ACSL1: variants seen among roughly 807,000 people sequenced by gnomAD.
ACSL1 encodes acyl-CoA synthetase long chain family member 1.
A neutral mutation model predicts 98.4 loss-of-function variants in ACSL1; 41 were observed. That is an observed-to-expected ratio of 0.42 (90% CI 0.32 to 0.54). ACSL1 has a LOEUF of 0.54. Ranked by LOEUF, ACSL1 falls within the 20% of genes least tolerant of loss-of-function variation. ACSL1 has a pLI of 0.13. For missense variants in ACSL1, 734 were observed against 883.1 expected (o/e 0.83, Z 2.14); for synonymous variants, 316 against 322.7 (o/e 0.98, Z 0.22).
At position 184,819,626 on chromosome 4, in the gene ACSL1, C is replaced by T. The variant is rs760015438; in HGVS notation, c.-33+6290G>A. ...GTACACAGACCCATTAACCCCATGC[C>T]GCCAGAGTTTGCTTTCTAGAAGCCT... is the stretch of plus-strand genomic sequence containing the variant. On this transcript the variant is annotated intron_variant, in intron 1 of 20. Coordinates refer to ENST00000281455, the MANE Select transcript of ACSL1 (RefSeq NM_001995.5). Among the ~76,000 whole-genome samples the T allele has an allele frequency of 1.2e-3, 189 of 152,178 alleles. 1 individual carries two copies. Among genetic ancestry groups the T allele is most frequent in the African/African-American group, 4.2e-3 (174 of 41,522 alleles).
intron 1 of ACSL1, among the ~76,000 whole-genome samples, chr4:184,804,305 C>T (rs766970651): frequency 1.4e-4 from 21 of 152,190 alleles, no homozygotes; most frequent in African/African-American, 2.4e-4. Context: ...TGCAGCCGGA[C>T]GCGGTGGCTC....
chr4:184,759,629 A>AT (rs1332898633), intron 18 of ACSL1, among the ~76,000 whole-genome samples: 2 of 152,168 alleles, frequency 1.3e-5, no homozygotes, highest in Non-Finnish European at 2.9e-5. Flanking sequence ...CAAAACCACA[A>AT]TGAGATACCA....
At chr4:184,801,183 T>C (rs1213144161) in intron 2 of ACSL1, among the ~76,000 whole-genome samples, 3 of 152,170 alleles carry the variant, frequency 2.0e-5, no homozygotes, top group Non-Finnish European at 4.4e-5. Flanking sequence ...AAAGGAAATT[T>C]CAGAAGGTAT....
At position 184,773,594 on chromosome 4, in the gene ACSL1, C is replaced by A; in HGVS notation, c.841+69G>T. ...GTCTACTGTTAGCTGATAAGTCATCCAAAAGAGGTAGGGGAGAGTCCAGAC... is the reference window on the plus strand; with the variant it reads ...GTCTACTGTTAGCTGATAAGTCATCAAAAAGAGGTAGGGGAGAGTCCAGAC... On this transcript the variant is annotated intron_variant, in intron 9 of 20. Transcript: ENST00000281455. This position sits in a 1 kb window ranked among gnomAD's most constrained non-coding sequence, Gnocchi z 4.3. The A allele has an allele frequency of 6.9e-7, 1 of 1,455,240 alleles. No individual in the cohort carries two copies. Among genetic ancestry groups the A allele is most frequent in the Non-Finnish European group, 9.4e-7 (1 of 1,069,420 alleles). The allele number at this position is 1,455,240 out of a possible 1,614,324, so 90.1% of individuals were successfully genotyped here.
At chr4:184,797,622 T>C (rs56851466) in intron 2 of ACSL1, among the ~76,000 whole-genome samples, 15,393 of 152,304 alleles carry the variant, frequency 0.1, 954 homozygotes, top group Non-Finnish European at 0.14. Context: ...CCTGGATATG[T>C]TGCCTTTAGT....
At chr4:184,813,853 G>A (rs529897921) in intron 1 of ACSL1, 10 of 456,140 alleles carry the variant, frequency 2.2e-5, no homozygotes, top group African/African-American at 1.0e-4. Flanking sequence ...TTCCTCCTCC[G>A]AGGGCCATGG....
At chr4:184,798,005 C>CA (rs1769746774) in intron 2 of ACSL1, among the ~76,000 whole-genome samples, 1 of 152,198 alleles carries the variant, frequency 6.6e-6, no homozygotes, top group African/African-American at 2.4e-5. Flanking sequence ...TATGGATGTA[C>CA]AAATTTCAAT....
rs368938893 is a variant in ACSL1 at position 184,768,429 on chromosome 4, C to A, written c.1015G>T (p.Ala339Ser). ...VVECVMLCHG[A>S]KIGFFQGDIR... is the part of the protein sequence containing the mutation. ...TCTCCTTGGAAAAATCCGATTTTAG[C>A]TCCATGACACAGCATTACACACTAT... The change falls in exon 12 of 21, where the codon GCT (alanine) becomes TCT (serine). Residue 339 changes from alanine (A) to serine (S), a missense_variant. Physicochemically the swap from Ala to Ser is moderately conservative, Grantham distance 99 (BLOSUM62 1). Coordinates refer to ENST00000281455, the MANE Select transcript of ACSL1 (RefSeq NM_001995.5). The A allele has an allele frequency of 4.3e-6, 7 of 1,613,710 alleles. No homozygotes were observed. Among genetic ancestry groups the A allele is most frequent in the Non-Finnish European group, 4.2e-6 (5 of 1,179,912 alleles).
chr4:184,795,686 T>A (rs1438921931), intron 2 of ACSL1, among the ~76,000 whole-genome samples: 4 of 152,210 alleles, frequency 2.6e-5, no homozygotes, highest in Non-Finnish European at 4.4e-5. Flanking sequence ...TCCCACCTAA[T>A]TCAGCCACCT....
rs536002920 is a variant in ACSL1, at chr4:184,803,618, C to T, written c.-32-72G>A. On this transcript the variant is annotated intron_variant, in intron 1 of 20. Transcript: ENST00000281455. The surrounding 1 kb of genome is among the most constrained non-coding windows in gnomAD (Gnocchi z 4.8). ...CCTCTCCAGAACTCCAAAATTCCACCGGCCAGCCATCTAATTGGGTAGCTG... is the reference window on the plus strand; with the variant it reads ...CCTCTCCAGAACTCCAAAATTCCACTGGCCAGCCATCTAATTGGGTAGCTG... The T allele has an allele frequency of 2.9e-5, 32 of 1,106,662 alleles. No homozygotes were observed. Among genetic ancestry groups the T allele is most frequent in the Admixed American group, 2.2e-4 (6 of 27,818 alleles). 68.6% of individuals were successfully genotyped at this position (1,106,662 alleles called of 1,614,324 possible). A position where few individuals can be genotyped will look rare whatever the true frequency, so the allele number is the denominator to read the frequency against.
chr4:184,808,784 C>G (rs1771742327), intron 1 of ACSL1, among the ~76,000 whole-genome samples: 1 of 152,210 alleles, frequency 6.6e-6, no homozygotes, highest in Non-Finnish European at 1.5e-5. Context: ...AAAGAGCAGT[C>G]AGGCTCTCCC....
At position 184,788,707 on chromosome 4, in the gene ACSL1, C is replaced by A; in HGVS notation, c.220G>T (p.Ala74Ser). 1 of 1,614,076 alleles carries A rather than the reference C, an allele frequency of 6.2e-7. No homozygotes were observed. Among genetic ancestry groups the A allele is most frequent in the Non-Finnish European group, 8.5e-7 (1 of 1,179,998 alleles). The change falls in exon 3 of 21, where the codon GCA becomes TCA. Residue 74 changes from alanine (A) to serine (S), a missense_variant. By Grantham distance (99) the Ala-to-Ser change is moderately conservative. Transcript: ENST00000281455. ...VAGSGGARRSALLDSDEPLVY... is the reference protein window; with the variant it reads ...VAGSGGARRSSLLDSDEPLVY... ...AAGGGCTCGTCGCTGTCAAGTAGTG[C>A]GGATCTTCGTGCACCACCACTACCC...
intron 1 of ACSL1, among the ~76,000 whole-genome samples, chr4:184,813,348 A>G (rs934213972): frequency 2.6e-5 from 4 of 152,358 alleles, no homozygotes; most frequent in South Asian, 4.1e-4. Flanking sequence ...AAGTTTACTG[A>G]TAAGAGCTAG....
intron 5 of ACSL1, among the ~76,000 whole-genome samples, chr4:184,777,813 C>T (rs1297175741): frequency 6.6e-6 from 1 of 151,852 alleles, no homozygotes; most frequent in Non-Finnish European, 1.5e-5. Flanking sequence ...CAGAGGGAGG[C>T]AGGGAGATGC....
At position 184,766,025 on chromosome 4, in the gene ACSL1, C is replaced by T. The variant is rs1421517864; in HGVS notation, c.1264-39G>A. The T allele has an allele frequency of 2.5e-6, 4 of 1,604,266 alleles. No individual in the cohort carries two copies. The highest frequency in any genetic ancestry group is 2.7e-5 in the African/African-American group (2 of 74,904). ...AGAGTGGGAGAAGGTGAGGGTTACA[C>T]ACCTGGAAGTCGGCGGCCTCTCCGC... On this transcript the variant is annotated intron_variant, in intron 13 of 20. Coordinates refer to ENST00000281455, the MANE Select transcript of ACSL1 (RefSeq NM_001995.5). The surrounding 1 kb of genome is among the most constrained non-coding windows in gnomAD (Gnocchi z 4.8).
At chr4:184,789,640 C>T (rs1768000665) in intron 2 of ACSL1, among the ~76,000 whole-genome samples, 1 of 152,214 alleles carries the variant, frequency 6.6e-6, no homozygotes, top group Non-Finnish European at 1.5e-5. Context: ...AAGTCGTCTT[C>T]ATCTGTTAGC....
intron 5 of ACSL1, among the ~76,000 whole-genome samples, chr4:184,779,244 C>A (rs1355252433): frequency 6.6e-6 from 1 of 152,254 alleles, no homozygotes; most frequent in South Asian, 2.1e-4. Context: ...GGGGGCTGGT[C>A]TTTCCCATGC....
At chr4:184,782,264 T>TA (rs33965361) in intron 4 of ACSL1, among the ~76,000 whole-genome samples, 71,792 of 143,080 alleles carry the variant, frequency 0.5, 19,126 homozygotes, top group East Asian at 0.74. Flanking sequence ...CATACATTCT[T>TA]AAAAAAAAAA....
intron 1 of ACSL1, among the ~76,000 whole-genome samples, chr4:184,804,326 T>C (rs1021525682): frequency 6.6e-6 from 1 of 152,186 alleles, no homozygotes; most frequent in Non-Finnish European, 1.5e-5. Context: ...ATGCCTGTAA[T>C]CCCAGCACTT....
Sources: gnomAD v4.1 joint callset for allele counts (sites outside exome capture counted in the v4.1 genomes callset) on GRCh38, gnomAD v4.1.1 for gene constraint, Gnocchi (gnomAD v3.1) non-coding constraint, MANE v1.5 for transcripts, NCBI Gene and HGNC (gene_info 2026-07-23, HGNC 2026-07-21) for gene names.